CIT: variants seen among roughly 807,000 people sequenced by gnomAD.
CIT encodes the protein citron Rho-interacting kinase.
In CIT, 79 loss-of-function variants were observed where a neutral mutation model predicts 272.7. The observed-to-expected ratio is 0.29, with a 90% confidence interval of 0.24 to 0.35. The LOEUF (loss-of-function observed/expected upper bound fraction) is 0.35, where lower values mean the gene tolerates loss of function less well. Among genes scored for constraint, CIT ranks in the 10% least tolerant of loss-of-function variants. CIT has a pLI of 1.00. For synonymous variants in CIT, 948 were observed against 995.6 expected (o/e 0.95, Z 0.90); for missense variants, 1,909 against 2,618.3 (o/e 0.73, Z 5.91).
Position 119,770,642 on chromosome 12 carries a change from G to T in CIT, c.2208+143C>A. Reference sequence around the variant, plus strand: ...GGTTATTCATACTACTCTACGATGTGGCATATGCTGAAACCACCTCACTCA... The same window carrying T: ...GGTTATTCATACTACTCTACGATGTTGCATATGCTGAAACCACCTCACTCA... On this transcript the variant is annotated intron_variant, in intron 18 of 47. Coordinates refer to ENST00000392521, the MANE Select transcript of CIT (RefSeq NM_001206999.2). This position sits in a 1 kb window ranked among gnomAD's most constrained non-coding sequence, Gnocchi z 4.4. The T allele has an allele frequency of 1.2e-6, 1 of 841,784 alleles. No homozygotes were observed. The highest frequency in any genetic ancestry group is 1.9e-6 in the Non-Finnish European group (1 of 525,236). The allele number at this position is 841,784 out of a possible 1,614,324, so 52.1% of individuals were successfully genotyped here. A position where few individuals can be genotyped will look rare whatever the true frequency, so the allele number is the denominator to read the frequency against.
At chr12:119,772,972 C>A in intron 16 of CIT, 62 bp from the exon 17 acceptor site, 3 of 1,391,480 alleles carry the variant, frequency 2.2e-6, no homozygotes, top group Non-Finnish European at 2.9e-6. Flanking sequence ...AAGATGGTGA[C>A]AGTATGTTCT....
chr12:119,842,337 T>C (rs1001022749), intron 5 of CIT, among the ~76,000 whole-genome samples: 34 of 133,290 alleles, frequency 2.6e-4, no homozygotes, highest in Admixed American at 2.1e-3. Flanking sequence ...TGCACTGAGC[T>C]GAGATCATGC....
Position 119,710,135 on chromosome 12 carries a change from A to G in CIT, c.5071+116T>C, listed in dbSNP as rs1045389177. ...CTTGGGCATCTATGGGGACACAGAGATAAGAGCTACAACGGCTCCTCTCTA... is the reference window on the plus strand; with the variant it reads ...CTTGGGCATCTATGGGGACACAGAGGTAAGAGCTACAACGGCTCCTCTCTA... On this transcript the variant is annotated intron_variant, in intron 39 of 47. Coordinates refer to ENST00000392521, the MANE Select transcript of CIT (RefSeq NM_001206999.2). This position sits in a 1 kb window ranked among gnomAD's most constrained non-coding sequence, Gnocchi z 5.6. The G allele has an allele frequency of 1.5e-5, 17 of 1,159,772 alleles. No homozygotes were observed. Among genetic ancestry groups the G allele is most frequent in the Non-Finnish European group, 2.1e-5 (17 of 811,164 alleles). 71.8% of individuals were successfully genotyped at this position (1,159,772 alleles called of 1,614,324 possible). A position where few individuals can be genotyped will look rare whatever the true frequency, so the allele number is the denominator to read the frequency against.
intron 19 of CIT, among the ~76,000 whole-genome samples, chr12:119,765,958 A>T (rs542026066): frequency 6.6e-6 from 1 of 152,352 alleles, no homozygotes; most frequent in East Asian, 1.9e-4. Flanking sequence ...CTGCAGTACT[A>T]TTTACAATAG....
In CIT at chr12:119,784,388, A is replaced by C. The variant is rs561011003; in HGVS notation, c.1402-337T>G. ...CAGACGTCACTTTAATTTTATCCCA[A>C]ATCCATCTTGATCCCCCCCCATCTC... On this transcript the variant is annotated intron_variant, in intron 11 of 47. Coordinates refer to ENST00000392521, the MANE Select transcript of CIT (RefSeq NM_001206999.2). The surrounding 1 kb of genome is among the most constrained non-coding windows in gnomAD (Gnocchi z 4.7). 1.0e-5 allele frequency: 13 copies of C among 1,242,648 alleles called. No homozygotes were observed. The highest frequency in any genetic ancestry group is 1.3e-5 in the Non-Finnish European group (13 of 973,158). The allele number at this position is 1,242,648 out of a possible 1,614,324, so 77.0% of individuals were successfully genotyped here.
intron 12 of CIT, 116 bp downstream of exon 12, chr12:119,783,792 T>G: frequency 7.7e-7 from 1 of 1,303,344 alleles, no homozygotes; most frequent in Admixed American, 2.3e-5. Context: ...GCTCTCCCTC[T>G]CTCTACTCTC....
intron 19 of CIT, among the ~76,000 whole-genome samples, chr12:119,761,482 C>T (rs534032505): frequency 3.3e-5 from 5 of 152,208 alleles, no homozygotes; most frequent in Middle Eastern, 3.4e-3. Context: ...TCAGAATATT[C>T]CTCACTCCTA....
chr12:119,855,839 GCACT>G (rs1257952160), intron 4 of CIT, among the ~76,000 whole-genome samples: 1 of 151,840 alleles, frequency 6.6e-6, no homozygotes, highest in African/African-American at 2.4e-5. Context: ...CTTTTTACAC[GCACT>G]ATTTCCCATC....
At position 119,686,821 on chromosome 12, in the gene CIT, C is replaced by G. The variant is rs1955605574; in HGVS notation, c.*1411G>C. 6.6e-6 allele frequency: 1 copy of G among 152,668 alleles called. No homozygotes were observed. The highest frequency in any genetic ancestry group is 2.4e-5 in the African/African-American group (1 of 41,478). The allele number at this position is 152,668 out of a possible 1,614,324, so 9.5% of individuals were successfully genotyped here. On this transcript the variant is annotated 3_prime_UTR_variant, in exon 48 of 48. Transcript: ENST00000392521. Reference sequence around the variant, plus strand: ...ACTCTAATAGGAGGGTCCGCAGACCCAGTGGGAGCCGCACTGCACCTAAGG... The same window carrying G: ...ACTCTAATAGGAGGGTCCGCAGACCGAGTGGGAGCCGCACTGCACCTAAGG...
chr12:119,764,027 G>A (rs1962131752), intron 19 of CIT, among the ~76,000 whole-genome samples: 1 of 152,250 alleles, frequency 6.6e-6, no homozygotes, highest in African/African-American at 2.4e-5. Flanking sequence ...GGAGAGGTAA[G>A]AAGGGTTTAA....
At chr12:119,871,106 G>A (rs1241484530) in intron 2 of CIT, among the ~76,000 whole-genome samples, 2 of 135,848 alleles carry the variant, frequency 1.5e-5, no homozygotes, top group South Asian at 2.5e-4. Flanking sequence ...GCGACAGGGC[G>A]ACAGTCTGTC....
intron 10 of CIT, among the ~76,000 whole-genome samples, chr12:119,793,167 C>T (rs117758322): frequency 6.6e-6 from 1 of 151,908 alleles, no homozygotes; most frequent in Non-Finnish European, 1.5e-5. Flanking sequence ...CATATACATA[C>T]ACACATATGC....
chr12:119,761,966 A>G (rs1463497148), intron 19 of CIT, among the ~76,000 whole-genome samples: 1 of 152,228 alleles, frequency 6.6e-6, no homozygotes, highest in Admixed American at 6.5e-5. Flanking sequence ...GCCTTTGACC[A>G]CAACCCTACG....
At chr12:119,783,851 G>T in intron 12 of CIT, 57 bp downstream of exon 12, 1 of 1,525,034 alleles carries the variant, frequency 6.6e-7, no homozygotes, top group South Asian at 1.3e-5. Flanking sequence ...AACAGGATGA[G>T]ACACACACAA....
Position 119,712,292 on chromosome 12 carries a change from C to G in CIT, c.4740G>C (p.Gly1580=), listed in dbSNP as rs1425961201. The change falls in exon 37 of 48, where the codon GGG becomes GGC. Residue 1580 remains glycine (G), a synonymous_variant. Transcript: ENST00000392521. This position sits in a 1 kb window ranked among gnomAD's most constrained non-coding sequence, Gnocchi z 5.2. ...ESHPHTTCWP[G]RTLYLLAPSF... is the part of the protein sequence containing the mutation. ...TGGGAGCTAGCAAGTAGAGGGTTCTCCCGGGCCAGCAGGTGGTGTGCGGGT... is the reference window on the plus strand; with the variant it reads ...TGGGAGCTAGCAAGTAGAGGGTTCTGCCGGGCCAGCAGGTGGTGTGCGGGT... 3.7e-6 allele frequency: 6 copies of G among 1,614,062 alleles called. No individual in the cohort carries two copies. The African/African-American group carries it at 8.0e-5, about 22-fold the overall frequency.
chr12:119,858,667 A>T (rs1332408532), intron 3 of CIT, among the ~76,000 whole-genome samples: 1 of 151,864 alleles, frequency 6.6e-6, no homozygotes, highest in Non-Finnish European at 1.5e-5. Flanking sequence ...AAAAACATAC[A>T]AAAAATTAGC....
rs186490327 is a variant in CIT at position 119,845,233 on chromosome 12, T to C, written c.516+4941A>G. On this transcript the variant is annotated intron_variant, in intron 5 of 47. Transcript: ENST00000392521. ...GATGCCGATGCCAGTGGTGAGATCA[T>C]TGGGGAAGCCTCCTACATCTGGGAG... Among the ~76,000 whole-genome samples the C allele has an allele frequency of 6.2e-4, 95 of 152,186 alleles. 1 individual carries two copies. The highest frequency in any genetic ancestry group is 1.1e-3 in the Non-Finnish European group (73 of 68,004).
intron 23 of CIT, 126 bp downstream of exon 23, chr12:119,751,924 A>G: frequency 1.2e-6 from 1 of 844,278 alleles, no homozygotes; most frequent in Non-Finnish European, 1.8e-6. Flanking sequence ...TGGCCACTGA[A>G]TATCTTTGTG....
intron 5 of CIT, among the ~76,000 whole-genome samples, chr12:119,840,087 C>T (rs1251262084): frequency 6.6e-6 from 1 of 152,190 alleles, no homozygotes; most frequent in East Asian, 1.9e-4. Flanking sequence ...GAGGCTGAAG[C>T]AGGAGGATCA....
Sources: allele counts gnomAD v4.1 joint callset (sites outside exome capture counted in the v4.1 genomes callset), GRCh38; gene constraint gnomAD v4.1.1; non-coding constraint Gnocchi (gnomAD v3.1); transcripts MANE v1.5; gene names NCBI Gene and HGNC (gene_info 2026-07-23, HGNC 2026-07-21).